ANO2: variants seen among roughly 807,000 people sequenced by gnomAD.
ANO2 encodes the protein anoctamin 2.
Under a neutral mutation model 124.2 loss-of-function variants are expected in ANO2, and 101 were observed. The ratio of observed to expected loss-of-function variants is 0.81; its 90% CI spans 0.69 to 0.96. The LOEUF is 0.96. Ranked by LOEUF, ANO2 falls within the 40% of genes least tolerant of loss-of-function variation. The probability of loss-of-function intolerance (pLI) is 0.00; values close to 1 mark genes in which losing one functional copy is unlikely to be tolerated. For missense variants in ANO2, 1,293 were observed against 1,274.5 expected, an observed-to-expected ratio of 1.01 and a Z score of -0.22; for synonymous variants, 486 against 482.5, an observed-to-expected ratio of 1.01 and a Z score of -0.09.
At chr12:5,717,129 G>C (rs1950052366) in intron 14 of ANO2, among the ~76,000 whole-genome samples, 1 of 152,250 alleles carries the variant, frequency 6.6e-6, no homozygotes, top group African/African-American at 2.4e-5. Flanking sequence ...AGCTCAGGCT[G>C]TGCTGCAGCC....
chr12:5,924,454 G>A (rs1043739486), intron 1 of ANO2, among the ~76,000 whole-genome samples: 2 of 152,192 alleles, frequency 1.3e-5, no homozygotes, highest in African/African-American at 4.8e-5. Flanking sequence ...GTCCTGGAGG[G>A]TGGGTAGCTT....
intron 13 of ANO2, chr12:5,739,066 C>G: frequency 1.6e-6 from 1 of 635,154 alleles, no homozygotes; most frequent in Non-Finnish European, 2.9e-6. Flanking sequence ...GAGGAGGGCA[C>G]TGGGACATCT....
At chr12:5,689,786 G>A (rs1205160420) in intron 14 of ANO2, among the ~76,000 whole-genome samples, 2 of 152,142 alleles carry the variant, frequency 1.3e-5, no homozygotes, top group Non-Finnish European at 2.9e-5. Flanking sequence ...AGCTTAAGAT[G>A]TGGCCTTATT....
At chr12:5,920,958 C>G in intron 3 of ANO2, 82 bp downstream of exon 3, 1 of 1,419,674 alleles carries the variant, frequency 7.0e-7, no homozygotes, top group Non-Finnish European at 9.6e-7. Context: ...CCTAGGCTCT[C>G]TGTCAGGTGG....
intron 20 of ANO2, among the ~76,000 whole-genome samples, chr12:5,592,731 G>T (rs1943464992): frequency 6.6e-6 from 1 of 152,184 alleles, no homozygotes; most frequent in Non-Finnish European, 1.5e-5. Flanking sequence ...AGGAGAAATG[G>T]TGAGGGTTCA....
intron 14 of ANO2, among the ~76,000 whole-genome samples, chr12:5,698,486 A>G (rs1949279188): frequency 6.6e-6 from 1 of 152,184 alleles, no homozygotes; most frequent in African/African-American, 2.4e-5. Flanking sequence ...TAAAACCACA[A>G]AGATGAGGAG....
At chr12:5,903,310 G>C (rs1001697499) in intron 3 of ANO2, among the ~76,000 whole-genome samples, 3 of 152,072 alleles carry the variant, frequency 2.0e-5, no homozygotes, top group African/African-American at 7.2e-5. Flanking sequence ...AGCTAATCCT[G>C]AGCTTCTGAT....
chr12:5,780,063 G>A (rs1046714121), intron 10 of ANO2, among the ~76,000 whole-genome samples: 2 of 152,172 alleles, frequency 1.3e-5, no homozygotes, highest in Admixed American at 6.5e-5. Context: ...AAAATCAGAT[G>A]TAAGAAAAAG....
At chr12:5,642,716 C>T (rs1158176629) in intron 15 of ANO2, among the ~76,000 whole-genome samples, 1 of 152,124 alleles carries the variant, frequency 6.6e-6, no homozygotes, top group Non-Finnish European at 1.5e-5. Flanking sequence ...TAGAATTAGC[C>T]CATGTCCTTA....
At chr12:5,613,266 G>T (rs915918668) in intron 17 of ANO2, among the ~76,000 whole-genome samples, 1 of 152,092 alleles carries the variant, frequency 6.6e-6, no homozygotes, top group Non-Finnish European at 1.5e-5. Context: ...ATGCAGTTTG[G>T]ATTATCTCTA....
At chr12:5,622,918 C>G (rs1031335764) in intron 16 of ANO2, among the ~76,000 whole-genome samples, 1 of 148,152 alleles carries the variant, frequency 6.7e-6, no homozygotes, top group Non-Finnish European at 1.5e-5. Context: ...GAGCTGAGAT[C>G]GTGCCACCGC....
At chr12:5,811,474 A>G (rs1565686951) in intron 7 of ANO2, among the ~76,000 whole-genome samples, 1 of 152,248 alleles carries the variant, frequency 6.6e-6, no homozygotes, top group East Asian at 1.9e-4. Flanking sequence ...TAATTAAGAC[A>G]TCGTCTCCTG....
chr12:5,674,412 C>T (rs1206694841), intron 14 of ANO2, among the ~76,000 whole-genome samples: 1 of 130,598 alleles, frequency 7.7e-6, no homozygotes, highest in Admixed American at 7.7e-5. Context: ...ATTACCTCCA[C>T]ATAAACATGT....
intron 3 of ANO2, among the ~76,000 whole-genome samples, chr12:5,871,253 A>T (rs1393895050): frequency 3.3e-5 from 5 of 152,248 alleles, no homozygotes; most frequent in African/African-American, 1.2e-4. Context: ...CATAGGCCCA[A>T]GCAGAATCCC....
chr12:5,607,116 G>C (rs1020540031), intron 19 of ANO2, among the ~76,000 whole-genome samples: 1 of 151,580 alleles, frequency 6.6e-6, no homozygotes, highest in Non-Finnish European at 1.5e-5. Flanking sequence ...CCTCCCTTGG[G>C]GAAAGAATTC....
intron 14 of ANO2, among the ~76,000 whole-genome samples, chr12:5,684,448 C>T (rs1010275401): frequency 6.6e-6 from 1 of 152,220 alleles, no homozygotes; most frequent in African/African-American, 2.4e-5. Flanking sequence ...GGACCTCGGA[C>T]ACTCTGTGGG....
chr12:5,835,217 G>A (rs867048579), intron 4 of ANO2, among the ~76,000 whole-genome samples: 4 of 152,132 alleles, frequency 2.6e-5, no homozygotes, highest in Admixed American at 1.3e-4. Flanking sequence ...AGGTTTACAC[G>A]GGCTGGTTTG....
intron 3 of ANO2, among the ~76,000 whole-genome samples, chr12:5,867,707 C>T (rs1356161951): frequency 7.3e-6 from 1 of 136,368 alleles, no homozygotes; most frequent in Non-Finnish European, 1.5e-5. Flanking sequence ...ATCGAATTAG[C>T]TAAAATCTAG....
intron 14 of ANO2, among the ~76,000 whole-genome samples, chr12:5,698,436 C>A (rs1047796995): frequency 1.3e-5 from 2 of 152,162 alleles, no homozygotes; most frequent in African/African-American, 4.8e-5. Flanking sequence ...CACACCAAAA[C>A]CCCATCTGTA....
Sources: allele counts gnomAD v4.1 joint callset (sites outside exome capture counted in the v4.1 genomes callset), GRCh38; gene constraint gnomAD v4.1.1; transcripts MANE v1.5; gene names NCBI Gene and HGNC (gene_info 2026-07-23, HGNC 2026-07-21).